Variants in CRACR2A observed in about 807,000 individuals in gnomAD.
CRACR2A encodes EF-hand calcium-binding domain-containing protein 4B.
Under a neutral mutation model 90.5 loss-of-function variants are expected in CRACR2A, and 79 were observed. That is an observed-to-expected ratio of 0.87 (90% CI 0.73 to 1.05). The LOEUF is 1.05. Among genes scored for constraint, CRACR2A ranks in the 50% least tolerant of loss-of-function variants. CRACR2A has a pLI of 0.00. For missense variants in CRACR2A, 823 were observed against 897.2 expected (o/e 0.92, Z 1.06); for synonymous variants, 338 against 356.7 (o/e 0.95, Z 0.59).
At chr12:3,719,992 G>A (rs900984586) in intron 2 of CRACR2A, among the ~76,000 whole-genome samples, 1 of 151,728 alleles carries the variant, frequency 6.6e-6, no homozygotes, top group African/African-American at 2.4e-5. Flanking sequence ...GGTGGCGGGC[G>A]CCTGTAATCC....
At chr12:3,654,096 G>T in intron 10 of CRACR2A, 116 bp downstream of exon 10, 3 of 1,231,976 alleles carry the variant, frequency 2.4e-6, no homozygotes, top group Non-Finnish European at 3.4e-6. Context: ...GGAGCAACAA[G>T]CCCAAATCCT....
chr12:3,735,551 C>G (rs1343289809), intron 1 of CRACR2A, among the ~76,000 whole-genome samples: 1 of 152,228 alleles, frequency 6.6e-6, no homozygotes, highest in Non-Finnish European at 1.5e-5. Flanking sequence ...TTTCTGGGTA[C>G]TAACCCATTT....
At chr12:3,681,423 T>C (rs1349844634) in intron 4 of CRACR2A, among the ~76,000 whole-genome samples, 1 of 152,194 alleles carries the variant, frequency 6.6e-6, no homozygotes, top group Non-Finnish European at 1.5e-5. Flanking sequence ...CAGAGAACAA[T>C]TAATAGGCCC....
At chr12:3,735,730 G>T (rs1946440800) in intron 1 of CRACR2A, among the ~76,000 whole-genome samples, 1 of 152,186 alleles carries the variant, frequency 6.6e-6, no homozygotes, top group African/African-American at 2.4e-5. Flanking sequence ...TACACTGGTG[G>T]TTCTCACAGT....
intron 1 of CRACR2A, among the ~76,000 whole-genome samples, chr12:3,752,064 A>T (rs958450684): frequency 6.6e-6 from 1 of 152,136 alleles, no homozygotes; most frequent in Admixed American, 6.5e-5. Context: ...TCTTCCAGAG[A>T]CAAGGAACCC....
chr12:3,702,386 G>A (rs1440707069), intron 3 of CRACR2A, among the ~76,000 whole-genome samples: 2 of 152,130 alleles, frequency 1.3e-5, no homozygotes, highest in African/African-American at 2.4e-5. Flanking sequence ...GACAGCAGGA[G>A]TGCTTATATA....
chr12:3,659,336 G>T (rs1944979808), intron 8 of CRACR2A, among the ~76,000 whole-genome samples: 1 of 152,128 alleles, frequency 6.6e-6, no homozygotes, highest in African/African-American at 2.4e-5. Context: ...TAAAATCTCT[G>T]CTCTTTTGCA....
At chr12:3,685,324 G>T (rs954853642) in intron 4 of CRACR2A, among the ~76,000 whole-genome samples, 1 of 152,192 alleles carries the variant, frequency 6.6e-6, no homozygotes, top group Non-Finnish European at 1.5e-5. Context: ...ATGGTATGGT[G>T]TCTCCTCAAA....
intron 14 of CRACR2A, among the ~76,000 whole-genome samples, chr12:3,637,796 C>A (rs1944483213): frequency 1.3e-5 from 2 of 152,210 alleles, no homozygotes; most frequent in African/African-American, 4.8e-5. Context: ...GGTGTGCTCT[C>A]ATGGTAACTG....
chr12:3,708,488 C>G (rs1012160831), intron 3 of CRACR2A, among the ~76,000 whole-genome samples: 4 of 152,090 alleles, frequency 2.6e-5, no homozygotes, highest in Admixed American at 1.3e-4. Context: ...GCAGTGGCGC[C>G]ATCTCGGCTC....
intron 7 of CRACR2A, among the ~76,000 whole-genome samples, chr12:3,663,706 A>C (rs548635036): frequency 5.4e-4 from 82 of 152,338 alleles, no homozygotes; most frequent in African/African-American, 2.0e-3. Context: ...ACTTGTGCAG[A>C]TTAGAGCTGA....
chr12:3,676,358 G>C lies in CRACR2A; in HGVS notation c.524+2557C>G, dbSNP rs1392952972. Among the ~76,000 whole-genome samples the C allele has an allele frequency of 2.6e-5, 4 of 152,170 alleles. No homozygotes were observed. In the East Asian group the frequency reaches 5.8e-4, roughly 22 times the overall value. On this transcript the variant is annotated intron_variant, in intron 6 of 19. Transcript: ENST00000440314. ...GATGTGGCAAAGGGTTCAGAGATAA[G>C]AGGGTCTCAGAGAGACACCATGGTG...
chr12:3,688,900 A>G (rs979215169), intron 4 of CRACR2A, among the ~76,000 whole-genome samples: 1 of 151,966 alleles, frequency 6.6e-6, no homozygotes, highest in Non-Finnish European at 1.5e-5. Context: ...CAGATCTTTC[A>G]CCTTCCTGGT....
chr12:3,715,036 C>T (rs894933330), intron 2 of CRACR2A, among the ~76,000 whole-genome samples: 1 of 152,242 alleles, frequency 6.6e-6, no homozygotes, highest in South Asian at 2.1e-4. Flanking sequence ...CAGATCTGAA[C>T]TCTCTTGTCC....
At chr12:3,734,000 T>C (rs1332790818) in intron 1 of CRACR2A, among the ~76,000 whole-genome samples, 1 of 114,956 alleles carries the variant, frequency 8.7e-6, no homozygotes, top group African/African-American at 3.0e-5. Context: ...AGATGGAGTC[T>C]CGCTCTGTCG....
In CRACR2A at chr12:3,711,875, A is replaced by C. The variant is rs1157683502; in HGVS notation, c.-37+1362T>G. Among the ~76,000 whole-genome samples the C allele has an allele frequency of 6.6e-6, 1 of 152,212 alleles. No individual in the cohort carries two copies. Among genetic ancestry groups the C allele is most frequent in the African/African-American group, 2.4e-5 (1 of 41,456 alleles). On this transcript the variant is annotated intron_variant, in intron 3 of 19. Transcript: ENST00000440314. This position sits in a 1 kb window ranked among gnomAD's most constrained non-coding sequence, Gnocchi z 4.3. ...GAATAAAAGGCCATCCAAAGGGCTA[A>C]ATTTTGACATTTTCTCCAAACCATA...
chr12:3,720,248 AGAAAGAGGGAAG>A (rs1946137876), intron 2 of CRACR2A, among the ~76,000 whole-genome samples: 5 of 148,210 alleles, frequency 3.4e-5, no homozygotes, highest in South Asian at 2.1e-4. Context: ...AAAGAAAGAA[AGAAAGAGGGAAG>A]GAAAGAAAGA....
intron 15 of CRACR2A, among the ~76,000 whole-genome samples, chr12:3,632,943 C>T (rs749562286): frequency 6.6e-6 from 1 of 152,174 alleles, no homozygotes; most frequent in Non-Finnish European, 1.5e-5. Flanking sequence ...CCACATATTC[C>T]AATGCAACCC....
intron 14 of CRACR2A, among the ~76,000 whole-genome samples, chr12:3,637,353 C>T (rs1036642483): frequency 6.6e-6 from 1 of 152,138 alleles, no homozygotes; most frequent in Non-Finnish European, 1.5e-5. Flanking sequence ...TAAGTAGGTG[C>T]CCAGTTAATG....
Sources: allele counts gnomAD v4.1 joint callset (sites outside exome capture counted in the v4.1 genomes callset), GRCh38; gene constraint gnomAD v4.1.1; non-coding constraint Gnocchi (gnomAD v3.1); transcripts MANE v1.5; gene names NCBI Gene and HGNC (gene_info 2026-07-23, HGNC 2026-07-21).